The following ANOS1 variants were observed in gnomAD, a reference collection of about 807,000 sequenced individuals.
ANOS1 encodes anosmin 1.
ANOS1 carries 6 observed loss-of-function variants against 59.0 expected under a neutral mutation model. That is an observed-to-expected ratio of 0.10 (90% CI 0.06 to 0.20). The LOEUF is 0.20. Among genes scored for constraint, ANOS1 ranks in the 10% least tolerant of loss-of-function variants. The pLI is 1.00. For synonymous variants in ANOS1, 217 were observed against 223.4 expected (o/e 0.97, Z 0.25); for missense variants, 433 against 542.3 (o/e 0.80, Z 2.00).
At chrX:8,685,296 C>G in intron 2 of ANOS1, among the ~76,000 whole-genome samples, 1 of 109,668 alleles carries the variant, frequency 9.1e-6, no homozygotes, top group Non-Finnish European at 1.9e-5. Flanking sequence ...AGTGGCCATT[C>G]CATTATCGTT....
intron 2 of ANOS1, among the ~76,000 whole-genome samples, chrX:8,650,674 C>T (rs1931836736): frequency 9.0e-6 from 1 of 111,556 alleles, no homozygotes; most frequent in Non-Finnish European, 1.9e-5. Context: ...GCTGAGATAG[C>T]GCCACTGCAC....
At chrX:8,587,651 AC>A (rs1190271187) in intron 5 of ANOS1, 142 bp downstream of exon 5, 1 of 482,930 alleles carries the variant, frequency 2.1e-6, no homozygotes, top group East Asian at 3.7e-5. Context: ...TCTTTAGAAG[AC>A]CCCATGATGT....
intron 11 of ANOS1, among the ~76,000 whole-genome samples, chrX:8,536,369 C>T (rs1370210734): frequency 9.2e-6 from 1 of 108,654 alleles, no homozygotes; most frequent in Non-Finnish European, 1.9e-5. Flanking sequence ...TTTCCCACTG[C>T]AAGACAGGGA....
intron 2 of ANOS1, among the ~76,000 whole-genome samples, chrX:8,660,233 T>C (rs963042053): frequency 1.8e-5 from 2 of 111,571 alleles, no homozygotes; most frequent in Non-Finnish European, 3.8e-5. Flanking sequence ...TGTTTCTTGT[T>C]CCACACACAC....
intron 6 of ANOS1, among the ~76,000 whole-genome samples, chrX:8,576,467 T>C (rs190582801): frequency 2.2e-3 from 217 of 100,054 alleles, no homozygotes; most frequent in East Asian, 1.0e-2. Context: ...TATATATATA[T>C]ACACACACAC....
intron 2 of ANOS1, among the ~76,000 whole-genome samples, chrX:8,665,640 C>T (rs1444564661): frequency 1.8e-5 from 2 of 111,927 alleles, no homozygotes; most frequent in African/African-American, 3.2e-5. Flanking sequence ...ATTAAGACTA[C>T]TCAGTATGGA....
rs866130337 is a variant in ANOS1 at position 8,607,828 on chromosome X, C to A, written c.319-10572G>T. On this transcript the variant is annotated intron_variant, in intron 3 of 13. Coordinates refer to ENST00000262648, the MANE Select transcript of ANOS1 (RefSeq NM_000216.4). Reference sequence around the variant, plus strand: ...ATTGTGAAAATGATGACCCACTATGCTTAGTTTACATGTTTACTAACAAAC... The same window carrying A: ...ATTGTGAAAATGATGACCCACTATGATTAGTTTACATGTTTACTAACAAAC... Among the ~76,000 whole-genome samples the A allele has an allele frequency of 8.8e-5, 3 of 34,086 alleles. No individual in the cohort carries two copies. In the Admixed American group the frequency reaches 1.2e-3, roughly 14 times the overall value. The allele number at this position is 34,086 out of a possible 115,157, so 29.6% of individuals were successfully genotyped here. A position where few individuals can be genotyped will look rare whatever the true frequency, so the allele number is the denominator to read the frequency against.
At chrX:8,557,683 T>C (rs962523388) in intron 8 of ANOS1, among the ~76,000 whole-genome samples, 7 of 111,937 alleles carry the variant, frequency 6.3e-5, no homozygotes, top group African/African-American at 2.3e-4. Flanking sequence ...CAACAGATGC[T>C]GGAGAGGATA....
chrX:8,703,495 T>C (rs1460250697), intron 1 of ANOS1, among the ~76,000 whole-genome samples: 2 of 112,305 alleles, frequency 1.8e-5, no homozygotes, highest in Non-Finnish European at 3.8e-5. Flanking sequence ...AAGCTTCATT[T>C]ATTCATTTTA....
intron 2 of ANOS1, among the ~76,000 whole-genome samples, chrX:8,672,802 G>A (rs1398011087): frequency 1.8e-5 from 2 of 111,803 alleles, no homozygotes; most frequent in African/African-American, 6.5e-5. Context: ...TAACAGGGCA[G>A]GAGACCATAA....
At chrX:8,640,227 T>C (rs1931637048) in intron 2 of ANOS1, among the ~76,000 whole-genome samples, 1 of 111,107 alleles carries the variant, frequency 9.0e-6, no homozygotes, top group African/African-American at 3.3e-5. Context: ...AAGCCCTCCT[T>C]TGTGGGCCTA....
chrX:8,633,088 T>G (rs955999003), intron 2 of ANOS1, among the ~76,000 whole-genome samples: 1 of 111,735 alleles, frequency 8.9e-6, no homozygotes, highest in Non-Finnish European at 1.9e-5. Context: ...TAATGAAATC[T>G]TTTGGCAGAC....
chrX:8,712,154 A>G (rs1212433714), intron 1 of ANOS1, among the ~76,000 whole-genome samples: 1 of 112,327 alleles, frequency 8.9e-6, no homozygotes, highest in African/African-American at 3.2e-5. Context: ...CAGAAAGGCC[A>G]TAGGGGAAGA....
chrX:8,567,173 T>C (rs1326880744), intron 8 of ANOS1, among the ~76,000 whole-genome samples: 2 of 112,129 alleles, frequency 1.8e-5, no homozygotes, highest in African/African-American at 6.5e-5. Context: ...AAGATATGAG[T>C]GTCATATAAG....
chrX:8,587,138 G>T (rs1039021768), intron 5 of ANOS1, among the ~76,000 whole-genome samples: 1 of 110,106 alleles, frequency 9.1e-6, no homozygotes, highest in African/African-American at 3.3e-5. Flanking sequence ...GTGTGTGGGG[G>T]GGTGGTTAGC....
chrX:8,594,658 G>GTGTGTATATATA (rs1555895592), intron 4 of ANOS1, among the ~76,000 whole-genome samples: 2 of 33,576 alleles, frequency 6.0e-5, no homozygotes, highest in Non-Finnish European at 9.7e-5. Context: ...ATATATATGT[G>GTGTGTATATATA]TATATATATA....
intron 4 of ANOS1, among the ~76,000 whole-genome samples, chrX:8,588,584 C>T (rs899699531): frequency 1.1e-4 from 12 of 111,954 alleles, no homozygotes; most frequent in African/African-American, 3.9e-4. Context: ...CAAGCATTCC[C>T]CTATATATAG....
At chrX:8,591,957 G>A (rs1257891262) in intron 4 of ANOS1, among the ~76,000 whole-genome samples, 4 of 112,373 alleles carry the variant, frequency 3.6e-5, no homozygotes, top group Non-Finnish European at 7.5e-5. Context: ...AAACGTTATC[G>A]TATGGCAAAC....
At chrX:8,566,225 C>T (rs1930110247) in intron 8 of ANOS1, 1 of 748,992 alleles carries the variant, frequency 1.3e-6, no homozygotes, top group African/African-American at 2.3e-5. Context: ...GTATGCAACA[C>T]ACAGATCTTT....
Sources: gnomAD v4.1 joint callset for allele counts (sites outside exome capture counted in the v4.1 genomes callset) on GRCh38, gnomAD v4.1.1 for gene constraint, MANE v1.5 for transcripts, NCBI Gene and HGNC (gene_info 2026-07-23, HGNC 2026-07-21) for gene names.